The following TPPP2 variants were observed in gnomAD, a reference collection of about 807,000 sequenced individuals.
TPPP2 encodes the protein tubulin polymerization promoting protein family member 2.
A neutral mutation model predicts 13.0 loss-of-function variants in TPPP2; 8 were observed. The observed-to-expected ratio is 0.62, with a 90% CI of 0.36 to 1.11. TPPP2 has a LOEUF of 1.11. TPPP2 is among the 50% of genes most tolerant of loss of function. TPPP2 has a pLI of 0.02. For synonymous variants in TPPP2, 81 were observed against 81.8 expected (o/e 0.99, Z 0.05); for missense variants, 213 against 216.9 (o/e 0.98, Z 0.11).
downstream of TPPP2, chr14:21,033,636 T>G (rs1884401352): frequency 1.6e-6 from 1 of 614,276 alleles, no homozygotes; most frequent in African/African-American, 1.8e-5. Context: ...GGAAAGAACC[T>G]AGAAGATAGC....
intron 2 of TPPP2, 64 bp downstream of exon 2, chr14:21,030,818 G>A: frequency 1.3e-6 from 2 of 1,572,066 alleles, no homozygotes; most frequent in South Asian, 2.3e-5. Context: ...GCCACGGAAG[G>A]GTTCACGTGG....
chr14:21,030,293 G>A lies in TPPP2; in HGVS notation c.-81G>A, dbSNP rs1010901502. On this transcript the variant is annotated 5_prime_UTR_variant, in exon 1 of 4. Coordinates refer to ENST00000321760, the MANE Select transcript of TPPP2 (RefSeq NM_173846.5). The stretch of plus-strand genomic sequence containing the variant: ...GCCGGGAAGGGTCAGACCACCATCC[G>A]GGTACTCTAAGGTACATAAAAGAGG... 8 of 359,936 alleles carry A rather than the reference G, an allele frequency of 2.2e-5. No individual in the cohort carries two copies. The highest frequency in any genetic ancestry group is 1.0e-4 in the East Asian group (2 of 19,194). The allele number at this position is 359,936 out of a possible 1,614,324, so 22.3% of individuals were successfully genotyped here.
At chr14:21,035,882 G>C (rs1354403409), downstream of TPPP2, 2 of 454,792 alleles carry the variant, frequency 4.4e-6, no homozygotes, top group East Asian at 1.4e-4. Context: ...GGTCCTGCAT[G>C]GTGGTTAAGA....
upstream of TPPP2, chr14:21,028,611 C>G (rs890264867): frequency 4.0e-5 from 6 of 151,864 alleles, no homozygotes; most frequent in Non-Finnish European, 5.9e-5. Context: ...AAAGATTTAG[C>G]AATGAGAAGC....
chr14:21,034,813 G>C (rs1273309723), downstream of TPPP2: 4 of 155,104 alleles, frequency 2.6e-5, no homozygotes, highest in Admixed American at 6.4e-5. Context: ...ATGTCCCCGA[G>C]TTTGATGAGC....
At chr14:21,031,826 T>C in intron 3 of TPPP2, 66 bp from the exon 4 acceptor site, 1 of 1,538,352 alleles carries the variant, frequency 6.5e-7, no homozygotes, top group South Asian at 1.2e-5. Flanking sequence ...TCTCGGGCCA[T>C]CTTTGGGGAA....
chr14:21,029,650 T>C (rs1883926973), upstream of TPPP2, among the ~76,000 whole-genome samples: 1 of 152,046 alleles, frequency 6.6e-6, no homozygotes, highest in Non-Finnish European at 1.5e-5. Context: ...AAAGTCATGG[T>C]ATTAGGAGAT....
chr14:21,031,087 A>G lies in TPPP2; in HGVS notation c.249A>G (p.Lys83=), dbSNP rs748016495. The change falls in exon 3 of 4, where the codon AAA becomes AAG. Residue 83 remains lysine (K), a synonymous_variant. Coordinates refer to ENST00000321760, the MANE Select transcript of TPPP2 (RefSeq NM_173846.5). ...AVKELGQKRF[K]GKSPDEVLEN... is the part of the protein sequence containing the mutation. ...AGGAACTGGGCCAGAAGCGCTTCAA[A>G]GGGAAGAGTCCAGATGAAGTCCTGG... 1 of 1,614,146 alleles carries G rather than the reference A, an allele frequency of 6.2e-7. No homozygotes were observed. Among genetic ancestry groups the G allele is most frequent in the Non-Finnish European group, 8.5e-7 (1 of 1,180,022 alleles).
intron 1 of TPPP2, chr14:21,024,389 T>C (rs1882614229): frequency 1.1e-6 from 1 of 913,620 alleles, no homozygotes; most frequent in Non-Finnish European, 1.3e-6. Flanking sequence ...GAATCCCGGC[T>C]CTGCCACTCC....
upstream of TPPP2, chr14:21,025,792 G>T: frequency 1.2e-6 from 1 of 804,326 alleles, no homozygotes; most frequent in Non-Finnish European, 1.5e-6. The surrounding 1 kb of genome is among the most constrained non-coding windows in gnomAD (Gnocchi z 5.1). Flanking sequence ...AATAGAGGGC[G>T]ATCGCGGGCA....
downstream of TPPP2, chr14:21,034,159 A>C (rs202002906): frequency 1.4e-5 from 22 of 1,614,126 alleles, no homozygotes; most frequent in Admixed American, 1.7e-5. Flanking sequence ...CCCTTTGGGT[A>C]GTTAACCCTG....
At position 21,032,666 on chromosome 14, in the gene TPPP2, T is replaced by C. The variant is rs117664367; in HGVS notation, c.*589T>C. 2.2e-3 allele frequency: 755 copies of C among 342,442 alleles called. 16 individuals are homozygous for C. In the East Asian group the frequency reaches 0.041, roughly 18 times the overall value. 21.2% of individuals were successfully genotyped at this position (342,442 alleles called of 1,614,324 possible). On this transcript the variant is annotated 3_prime_UTR_variant, in exon 4 of 4. Transcript: ENST00000321760. ...GCCCAGAACTAAGTTTTACCCCACATCACCTCCATCATGGGGCACATGGGA... is the reference window on the plus strand; with the variant it reads ...GCCCAGAACTAAGTTTTACCCCACACCACCTCCATCATGGGGCACATGGGA...
chr14:21,032,788 A>G lies in TPPP2; in HGVS notation c.*711A>G, dbSNP rs191733878. ...GAGCAGGAGTTCTGGTGCACTGAAGAAAAAGCAATTAAATCACAACAGAGT... is the reference window on the plus strand; with the variant it reads ...GAGCAGGAGTTCTGGTGCACTGAAGGAAAAGCAATTAAATCACAACAGAGT... On this transcript the variant is annotated 3_prime_UTR_variant, in exon 4 of 4. Transcript: ENST00000321760. 1.9e-5 allele frequency: 7 copies of G among 372,688 alleles called. No homozygotes were observed. Among genetic ancestry groups the G allele is most frequent in the African/African-American group, 1.5e-4 (7 of 46,928 alleles). The allele number at this position is 372,688 out of a possible 1,614,324, so 23.1% of individuals were successfully genotyped here. A position where few individuals can be genotyped will look rare whatever the true frequency, so the allele number is the denominator to read the frequency against.
chr14:21,026,526 C>G (rs555066876), upstream of TPPP2, among the ~76,000 whole-genome samples: 3 of 150,668 alleles, frequency 2.0e-5, no homozygotes, highest in African/African-American at 7.3e-5. Flanking sequence ...ACCCTCACCA[C>G]CCGCAATACC....
In TPPP2 at chr14:21,032,482, T is replaced by A. The variant is rs771685368; in HGVS notation, c.*405T>A. Reference sequence around the variant, plus strand: ...AATTCCTCACGTGATGGACTATGACTATATCACATATTAGATCCTTCCCTG... The same window carrying A: ...AATTCCTCACGTGATGGACTATGACAATATCACATATTAGATCCTTCCCTG... On this transcript the variant is annotated 3_prime_UTR_variant, in exon 4 of 4. Coordinates refer to ENST00000321760, the MANE Select transcript of TPPP2 (RefSeq NM_173846.5). 5.3e-6 allele frequency: 2 copies of A among 375,586 alleles called. No homozygotes were observed. Among genetic ancestry groups the A allele is most frequent in the Non-Finnish European group, 1.0e-5 (2 of 190,990 alleles). 23.3% of individuals were successfully genotyped at this position (375,586 alleles called of 1,614,324 possible).
upstream of TPPP2, among the ~76,000 whole-genome samples, chr14:21,028,702 A>G (rs1205836906): frequency 6.6e-6 from 1 of 152,148 alleles, no homozygotes; most frequent in East Asian, 1.9e-4. Context: ...TCTGATGGGG[A>G]GGAGGTAATA....
intron 3 of TPPP2, 139 bp downstream of exon 3, chr14:21,031,304 A>T (rs1884109006): frequency 8.4e-7 from 1 of 1,187,426 alleles, no homozygotes; most frequent in Non-Finnish European, 1.1e-6. Context: ...ACATTCCAGA[A>T]GTCAGGAAAA....
downstream of TPPP2, chr14:21,035,719 G>A: frequency 2.2e-6 from 1 of 454,404 alleles, no homozygotes. Context: ...GGCACTTTCT[G>A]ACAGCACAAA....
At chr14:21,027,273 T>C (rs1566483379), upstream of TPPP2, among the ~76,000 whole-genome samples, 2 of 152,184 alleles carry the variant, frequency 1.3e-5, no homozygotes, top group Admixed American at 1.3e-4. Flanking sequence ...ACAATCTCTG[T>C]CTAAACTCTT....
Sources: allele counts gnomAD v4.1 joint callset (sites outside exome capture counted in the v4.1 genomes callset), GRCh38; gene constraint gnomAD v4.1.1; non-coding constraint Gnocchi (gnomAD v3.1); transcripts MANE v1.5; gene names NCBI Gene and HGNC (gene_info 2026-07-23, HGNC 2026-07-21).